KCNJ12: variants seen among roughly 807,000 people sequenced by gnomAD.
KCNJ12 encodes ATP-sensitive inward rectifier potassium channel 12.
KCNJ12 carries 2 observed loss-of-function variants against 22.3 expected under a neutral mutation model. That is an observed-to-expected ratio of 0.09 (90% CI 0.04 to 0.28). The LOEUF (loss-of-function observed/expected upper bound fraction) is 0.28. KCNJ12 is among the 10% of genes least tolerant of loss of function. The probability of loss-of-function intolerance (pLI) is 1.00; values close to 1 mark genes in which losing one functional copy is unlikely to be tolerated. For missense variants in KCNJ12, 155 were observed against 633.3 expected (o/e 0.24, Z 8.11); for synonymous variants, 117 against 261.4 (o/e 0.45, Z 5.33).
intron 1 of KCNJ12, among the ~76,000 whole-genome samples, chr17:21,408,193 C>T (rs1261220309): frequency 6.6e-6 from 1 of 152,296 alleles, no homozygotes; most frequent in Non-Finnish European, 1.5e-5. Context: ...ACAATAGTTC[C>T]AACCTTGTGT....
intron 1 of KCNJ12, among the ~76,000 whole-genome samples, chr17:21,403,779 G>A (rs1905769078): frequency 6.6e-6 from 1 of 152,308 alleles, no homozygotes; most frequent in Non-Finnish European, 1.5e-5. Context: ...AAACCCCATT[G>A]CAACCACATG....
chr17:21,416,729 G>C lies in KCNJ12; in HGVS notation c.*85G>C. On this transcript the variant is annotated 3_prime_UTR_variant, in exon 3 of 3. Coordinates refer to ENST00000583088, the MANE Select transcript of KCNJ12 (RefSeq NM_021012.5). ...CAGGGGCCCCGGGTTTGAGCAGAAC[G>C]GGCCCAGTGCCCTGGGTTGCAGACT... 5 of 1,358,468 alleles carry C rather than the reference G, an allele frequency of 3.7e-6. No individual in the cohort carries two copies. In the South Asian group the frequency reaches 7.4e-5, roughly 20 times the overall value. The allele number at this position is 1,358,468 out of a possible 1,614,324, so 84.2% of individuals were successfully genotyped here.
At chr17:21,413,551 G>C (rs1597582447) in intron 2 of KCNJ12, among the ~76,000 whole-genome samples, 1 of 151,464 alleles carries the variant, frequency 6.6e-6, no homozygotes, top group Non-Finnish European at 1.5e-5. Context: ...CCTCCGTCGG[G>C]GCTAATGCTG....
intron 1 of KCNJ12, among the ~76,000 whole-genome samples, chr17:21,389,727 C>T (rs552021000): frequency 6.6e-6 from 1 of 152,218 alleles, no homozygotes; most frequent in East Asian, 1.9e-4. Context: ...GGGTTGGGGG[C>T]TGCTGTGGCA....
intron 1 of KCNJ12, among the ~76,000 whole-genome samples, chr17:21,402,377 C>A (rs1905668089): frequency 6.6e-6 from 1 of 152,274 alleles, no homozygotes; most frequent in African/African-American, 2.4e-5. Flanking sequence ...CTTGCCCCAG[C>A]AGCATGTGGG....
chr17:21,413,718 C>T (rs1277632138), intron 2 of KCNJ12, among the ~76,000 whole-genome samples: 2 of 152,410 alleles, frequency 1.3e-5, no homozygotes, highest in Admixed American at 6.5e-5. Flanking sequence ...GGCAGCACAG[C>T]CTGTGTGTCC....
intron 1 of KCNJ12, among the ~76,000 whole-genome samples, chr17:21,383,366 C>T (rs1365246413): frequency 6.6e-6 from 1 of 152,108 alleles, no homozygotes; most frequent in Non-Finnish European, 1.5e-5. Flanking sequence ...TGGTTCCGGG[C>T]CAAGCCAGGC....
rs1335771661 is a variant in KCNJ12 at position 21,408,075 on chromosome 17, C to T, written c.-178-444C>T. Among the ~76,000 whole-genome samples, 17 of 152,374 alleles carry T rather than the reference C, an allele frequency of 1.1e-4. No individual in the cohort carries two copies. In the South Asian group the frequency reaches 1.9e-3, roughly 17 times the overall value. On this transcript the variant is annotated intron_variant, in intron 1 of 2. Coordinates refer to ENST00000583088, the MANE Select transcript of KCNJ12 (RefSeq NM_021012.5). The stretch of plus-strand genomic sequence containing the variant: ...TATTCACAACTGGCTCCAAGGTTGG[C>T]GTTGGGAAGGCTCTGCAGGTGGTGG...
intron 1 of KCNJ12, among the ~76,000 whole-genome samples, chr17:21,386,276 C>G (rs1204240696): frequency 6.6e-6 from 1 of 152,198 alleles, no homozygotes; most frequent in African/African-American, 2.4e-5. Context: ...TTGTGGGCAT[C>G]TCCAGTCTCT....
chr17:21,391,038 C>T (rs1905197285), intron 1 of KCNJ12, among the ~76,000 whole-genome samples: 1 of 152,160 alleles, frequency 6.6e-6, no homozygotes, highest in East Asian at 1.9e-4. Flanking sequence ...ATCTGGATGT[C>T]GTGTGTGCGT....
chr17:21,413,421 A>AAC (rs1906488146), intron 2 of KCNJ12, among the ~76,000 whole-genome samples: 1 of 143,804 alleles, frequency 7.0e-6, no homozygotes, highest in African/African-American at 2.5e-5. Context: ...GTAACTGAGT[A>AAC]ATGTGGCTGC....
At chr17:21,412,279 G>C (rs1906400756) in intron 2 of KCNJ12, among the ~76,000 whole-genome samples, 1 of 152,316 alleles carries the variant, frequency 6.6e-6, no homozygotes, top group East Asian at 1.9e-4. Flanking sequence ...ACACCATCTG[G>C]GCAGGTCTGC....
chr17:21,406,326 G>C (rs1317219433), intron 1 of KCNJ12, among the ~76,000 whole-genome samples: 1 of 152,310 alleles, frequency 6.6e-6, no homozygotes. Flanking sequence ...GTGGACCCAA[G>C]TCCCTGCCGT....
intron 1 of KCNJ12, among the ~76,000 whole-genome samples, chr17:21,405,523 C>A (rs529302594): frequency 1.3e-5 from 2 of 152,244 alleles, no homozygotes; most frequent in African/African-American, 4.8e-5. Flanking sequence ...GCAGGCGACA[C>A]CAGCCTCGTT....
intron 1 of KCNJ12, among the ~76,000 whole-genome samples, chr17:21,394,666 T>A (rs1555559695): frequency 6.6e-6 from 1 of 152,092 alleles, no homozygotes; most frequent in East Asian, 1.9e-4. Context: ...GACTGGAGGC[T>A]CAACTCGAGG....
chr17:21,399,963 A>G (rs1905514677), intron 1 of KCNJ12, among the ~76,000 whole-genome samples: 2 of 152,264 alleles, frequency 1.3e-5, no homozygotes, highest in South Asian at 4.2e-4. Context: ...GGGGTTGGAA[A>G]GCGTGTGTGG....
intron 1 of KCNJ12, among the ~76,000 whole-genome samples, chr17:21,396,908 C>G (rs1276833111): frequency 6.6e-6 from 1 of 152,100 alleles, no homozygotes; most frequent in South Asian, 2.1e-4. Context: ...AGGCTCTGGC[C>G]GGGGGTCATC....
chr17:21,411,213 A>G (rs1411254865), intron 2 of KCNJ12, among the ~76,000 whole-genome samples: 36 of 152,384 alleles, frequency 2.4e-4, no homozygotes, highest in African/African-American at 8.4e-4. Flanking sequence ...ATCCGGAAGC[A>G]CCTCCCGGTG....
rs1314445908 is a variant in KCNJ12, at chr17:21,418,074, A to G, written c.*1430A>G. ...CCACCACCCTCCCCCAGGTTGAGGCACTATGGCACCCTCATCAGGAAGAGG... is the reference window on the plus strand; with the variant it reads ...CCACCACCCTCCCCCAGGTTGAGGCGCTATGGCACCCTCATCAGGAAGAGG... On this transcript the variant is annotated 3_prime_UTR_variant, in exon 3 of 3. Coordinates refer to ENST00000583088, the MANE Select transcript of KCNJ12 (RefSeq NM_021012.5). 6.0e-6 allele frequency: 1 copy of G among 167,032 alleles called. No homozygotes were observed. The highest frequency in any genetic ancestry group is 1.5e-5 in the Non-Finnish European group (1 of 68,200). The allele number at this position is 167,032 out of a possible 1,614,324, so 10.3% of individuals were successfully genotyped here.
Sources: gnomAD v4.1 joint callset for allele counts (sites outside exome capture counted in the v4.1 genomes callset) on GRCh38, gnomAD v4.1.1 for gene constraint, MANE v1.5 for transcripts, NCBI Gene and HGNC (gene_info 2026-07-23, HGNC 2026-07-21) for gene names.